SNX9: variants seen among roughly 807,000 people sequenced by gnomAD.
SNX9 encodes sorting nexin 9, also known as sorting nexin-9.
SNX9 carries 44 observed loss-of-function variants against 89.4 expected under a neutral mutation model. That is an observed-to-expected ratio of 0.49 (90% confidence interval 0.39 to 0.63). The LOEUF (loss-of-function observed/expected upper bound fraction) is 0.63, where lower values mean the gene tolerates loss of function less well. SNX9 is among the 30% of genes least tolerant of loss of function. The pLI is 0.00. For missense variants in SNX9, 578 were observed against 736.1 expected, an observed-to-expected ratio of 0.79 and a Z score of 2.49; for synonymous variants, 236 against 247.8, an observed-to-expected ratio of 0.95 and a Z score of 0.45.
intron 1 of SNX9, among the ~76,000 whole-genome samples, chr6:157,826,135 A>G (rs981810466): frequency 1.3e-5 from 2 of 152,142 alleles, no homozygotes; most frequent in African/African-American, 4.8e-5. Flanking sequence ...CTCCACTACT[A>G]TATTTTACAA....
intron 1 of SNX9, among the ~76,000 whole-genome samples, chr6:157,849,183 C>T (rs569128146): frequency 6.6e-6 from 1 of 152,244 alleles, no homozygotes; most frequent in East Asian, 1.9e-4. Flanking sequence ...GATAAGGCCA[C>T]GGAGGTGTTC....
intron 4 of SNX9, among the ~76,000 whole-genome samples, chr6:157,893,628 G>A (rs1301600707): frequency 6.6e-6 from 1 of 151,762 alleles, no homozygotes; most frequent in African/African-American, 2.4e-5. Context: ...GTGTGTGTGT[G>A]TGTGTATAAG....
In SNX9 at chr6:157,873,085, T is replaced by C. The variant is rs769405631; in HGVS notation, c.100-17T>C. The C allele has an allele frequency of 1.3e-5, 20 of 1,539,970 alleles. No individual in the cohort carries two copies. The South Asian group carries it at 1.5e-4, about 12-fold the overall frequency. On this transcript the variant is annotated splice_polypyrimidine_tract_variant and intron_variant, in intron 2 of 17. Transcript: ENST00000392185. The stretch of plus-strand genomic sequence containing the variant: ...TGTAATCTTTTTCTTTTTTTTTTTT[T>C]TTTGGTGACTTATTAGGATGTAGGT...
At chr6:157,913,506 T>A (rs1245740306) in intron 9 of SNX9, among the ~76,000 whole-genome samples, 1 of 152,144 alleles carries the variant, frequency 6.6e-6, no homozygotes, top group Non-Finnish European at 1.5e-5. Flanking sequence ...TTTCATTTTT[T>A]AAATTTTATT....
chr6:157,934,655 A>G (rs1448358749), intron 13 of SNX9, among the ~76,000 whole-genome samples: 1 of 152,226 alleles, frequency 6.6e-6, no homozygotes, highest in Non-Finnish European at 1.5e-5. Context: ...TACATATTGT[A>G]GGATAAAGCA....
intron 5 of SNX9, among the ~76,000 whole-genome samples, chr6:157,900,179 C>A (rs1783065729): frequency 6.6e-6 from 1 of 152,072 alleles, no homozygotes; most frequent in Non-Finnish European, 1.5e-5. Context: ...AAAAGTTCCA[C>A]ATGTAAATAA....
In SNX9 at chr6:157,896,961, C is replaced by A. The variant is rs202195603; in HGVS notation, c.435C>A (p.Asp145Glu). The change falls in exon 5 of 18, where the codon GAC becomes GAA. Residue 145 changes from aspartate to glutamate, a missense_variant. This residue lies in a region of SNX9 where 230 missense variants were observed against 244.7 expected (regional missense o/e 0.94). Transcript: ENST00000392185. ...ACACAAACACTCCCAACAACTGGGA[C>A]ACTGCCTTCGGCCACCCCCAGGCCT... is the stretch of plus-strand genomic sequence containing the variant. ...QRNTNTPNNW[D>E]TAFGHPQAYQ... 1.2e-4 allele frequency: 187 copies of A among 1,611,420 alleles called. No homozygotes were observed. The highest frequency in any genetic ancestry group is 1.5e-4 in the Non-Finnish European group (173 of 1,179,306).
At chr6:157,834,679 C>T (rs1781550167) in intron 1 of SNX9, among the ~76,000 whole-genome samples, 1 of 152,102 alleles carries the variant, frequency 6.6e-6, no homozygotes, top group African/African-American at 2.4e-5. Context: ...GCTCATTCCT[C>T]ATGCCCATTC....
chr6:157,927,926 A>G (rs559805639), intron 11 of SNX9, among the ~76,000 whole-genome samples: 1 of 142,220 alleles, frequency 7.0e-6, no homozygotes, highest in African/African-American at 2.6e-5. Context: ...AAGTATAGAC[A>G]AGTAACACAC....
Position 157,875,336 on chromosome 6 carries a change from A to T in SNX9, c.300+160A>T. ...GCATTTCTGTTGGGTACTAACAAAGAAATCACCTGTTAAGCCTGATAATGA... is the reference window on the plus strand; with the variant it reads ...GCATTTCTGTTGGGTACTAACAAAGTAATCACCTGTTAAGCCTGATAATGA... On this transcript the variant is annotated intron_variant, in intron 4 of 17. Coordinates refer to ENST00000392185, the MANE Select transcript of SNX9 (RefSeq NM_016224.5). 6 of 988,198 alleles carry T rather than the reference A, an allele frequency of 6.1e-6. No individual in the cohort carries two copies. In the South Asian group the frequency reaches 1.2e-4, roughly 19 times the overall value. The allele number at this position is 988,198 out of a possible 1,614,324, so 61.2% of individuals were successfully genotyped here.
chr6:157,940,113 G>T (rs1784006817), intron 16 of SNX9, among the ~76,000 whole-genome samples: 3 of 152,236 alleles, frequency 2.0e-5, no homozygotes. Context: ...CCGTACTGAA[G>T]AAGGGTCTCC....
At chr6:157,856,981 A>G (rs1325399711) in intron 1 of SNX9, among the ~76,000 whole-genome samples, 1 of 152,196 alleles carries the variant, frequency 6.6e-6, no homozygotes, top group Non-Finnish European at 1.5e-5. Context: ...ATGCTTGTAA[A>G]AGAGAAACTT....
intron 17 of SNX9, 150 bp downstream of exon 17, chr6:157,941,124 T>C: frequency 1.5e-6 from 1 of 662,212 alleles, no homozygotes; most frequent in Non-Finnish European, 2.6e-6. Context: ...TTTTTTAATC[T>C]CCTAATTCCA....
intron 1 of SNX9, among the ~76,000 whole-genome samples, chr6:157,856,089 G>A (rs1312048278): frequency 6.6e-6 from 1 of 152,132 alleles, no homozygotes; most frequent in Non-Finnish European, 1.5e-5. Context: ...CTGTTGCCAG[G>A]CGGGTATGTT....
At chr6:157,882,894 G>A (rs1213587666) in intron 4 of SNX9, among the ~76,000 whole-genome samples, 1 of 152,206 alleles carries the variant, frequency 6.6e-6, no homozygotes, top group Non-Finnish European at 1.5e-5. Flanking sequence ...AAACTTAGTA[G>A]ATAAAATAGC....
At chr6:157,873,878 G>C (rs1275487620) in intron 3 of SNX9, among the ~76,000 whole-genome samples, 1 of 152,072 alleles carries the variant, frequency 6.6e-6, no homozygotes, top group Non-Finnish European at 1.5e-5. Flanking sequence ...AGCCTGGGCT[G>C]GTCCTGCCTG....
intron 17 of SNX9, 145 bp downstream of exon 17, chr6:157,941,119 T>C (rs1257122521): frequency 6.0e-6 from 4 of 671,182 alleles, no homozygotes; most frequent in South Asian, 4.1e-5. Context: ...AGGATTTTTT[T>C]AATCTCCTAA....
chr6:157,927,368 A>G (rs989277601), intron 11 of SNX9, among the ~76,000 whole-genome samples, 154 bp downstream of exon 11: 1 of 152,206 alleles, frequency 6.6e-6, no homozygotes, highest in African/African-American at 2.4e-5. Context: ...GGGAAACATC[A>G]TTTGTACATA....
intron 4 of SNX9, among the ~76,000 whole-genome samples, chr6:157,887,156 C>T (rs1367599758): frequency 6.6e-6 from 1 of 152,144 alleles, no homozygotes; most frequent in Non-Finnish European, 1.5e-5. Context: ...CTGGGATGCA[C>T]CTAAGTTACT....
Sources: allele counts gnomAD v4.1 joint callset (sites outside exome capture counted in the v4.1 genomes callset), GRCh38; gene constraint gnomAD v4.1.1; regional missense constraint gnomAD v4.1.1; transcripts MANE v1.5; gene names NCBI Gene and HGNC (gene_info 2026-07-23, HGNC 2026-07-21).